Variants in DLC1 observed in about 807,000 individuals in gnomAD.
DLC1 encodes the protein DLC1 Rho GTPase activating protein.
DLC1 carries 54 observed loss-of-function variants against 140.3 expected under a neutral mutation model. The ratio of observed to expected loss-of-function variants is 0.38; its 90% CI spans 0.31 to 0.48. The LOEUF (loss-of-function observed/expected upper bound fraction) is 0.48, where lower values mean the gene tolerates loss of function less well. Among genes scored for constraint, DLC1 ranks in the 20% least tolerant of loss-of-function variants. The pLI, the probability that DLC1 is intolerant of heterozygous loss-of-function variation, is 0.96. For missense variants in DLC1, 2,536 were observed against 1,907.0 expected (o/e 1.33, Z -6.14); for synonymous variants, 986 against 728.1 (o/e 1.35, Z -5.70).
At chr8:13,310,184 C>T (rs1022086564) in intron 4 of DLC1, among the ~76,000 whole-genome samples, 1 of 152,140 alleles carries the variant, frequency 6.6e-6, no homozygotes, top group African/African-American at 2.4e-5. Flanking sequence ...ACAAACAGAG[C>T]ACTATCTATT....
At chr8:13,219,385 T>A (rs1018403767) in intron 5 of DLC1, among the ~76,000 whole-genome samples, 12 of 124,766 alleles carry the variant, frequency 9.6e-5, no homozygotes, top group African/African-American at 3.5e-4. Flanking sequence ...TATAATTATA[T>A]TTCATATAAT....
chr8:13,590,262 T>C (rs1418051122), intron 1 of DLC1, among the ~76,000 whole-genome samples: 1 of 151,926 alleles, frequency 6.6e-6, no homozygotes, highest in Non-Finnish European at 1.5e-5. Context: ...ACATTATGAG[T>C]CCTCCCTTTC....
At chr8:13,422,188 A>G (rs909449163) in intron 2 of DLC1, among the ~76,000 whole-genome samples, 2 of 152,112 alleles carry the variant, frequency 1.3e-5, no homozygotes, top group African/African-American at 2.4e-5. Flanking sequence ...TATATATAGC[A>G]TATATATTTA....
Position 13,221,798 on chromosome 8 carries a change from TTA to T in DLC1, c.1348+83469_1348+83470del, listed in dbSNP as rs1231033290. Among the ~76,000 whole-genome samples the T allele has an allele frequency of 3.5e-5, 5 of 144,010 alleles. No individual in the cohort carries two copies. In the East Asian group the frequency reaches 9.9e-4, roughly 28 times the overall value. The allele number at this position is 144,010 out of a possible 152,430, so 94.5% of individuals were successfully genotyped here. A position where few individuals can be genotyped will look rare whatever the true frequency, so the allele number is the denominator to read the frequency against. On this transcript the variant is annotated intron_variant, in intron 5 of 17. Coordinates refer to ENST00000276297, the MANE Select transcript of DLC1 (RefSeq NM_182643.3). ...TATTAATATAAAACACATCAATATA[TTA>T]ATATAAAATACATATATTATAAAAT...
At chr8:13,467,191 T>C (rs767354801) in intron 2 of DLC1, among the ~76,000 whole-genome samples, 36 of 152,202 alleles carry the variant, frequency 2.4e-4, no homozygotes, top group Non-Finnish European at 3.8e-4. Flanking sequence ...CTAAATCCTT[T>C]TCTTATTTCC....
At chr8:13,283,775 A>G (rs748138319) in intron 5 of DLC1, among the ~76,000 whole-genome samples, 2 of 152,126 alleles carry the variant, frequency 1.3e-5, no homozygotes, top group African/African-American at 2.4e-5. Flanking sequence ...TCTGCCTCCC[A>G]AAGTGTTGGG....
At chr8:13,283,632 A>T (rs1305356266) in intron 5 of DLC1, among the ~76,000 whole-genome samples, 2 of 152,162 alleles carry the variant, frequency 1.3e-5, no homozygotes, top group Non-Finnish European at 2.9e-5. Flanking sequence ...CTCTCACTGC[A>T]GCCTCCTGAG....
At chr8:13,382,399 C>A (rs1488783155) in intron 4 of DLC1, among the ~76,000 whole-genome samples, 1 of 144,890 alleles carries the variant, frequency 6.9e-6, no homozygotes, top group Non-Finnish European at 1.5e-5. Context: ...CCCAGCTACT[C>A]GGGAGGCTGA....
At chr8:13,399,238 C>T (rs1837189362) in intron 3 of DLC1, among the ~76,000 whole-genome samples, 1 of 152,136 alleles carries the variant, frequency 6.6e-6, no homozygotes, top group Admixed American at 6.5e-5. Context: ...TGTCTGACAA[C>T]CAGGGAATTC....
intron 4 of DLC1, among the ~76,000 whole-genome samples, chr8:13,360,112 T>C (rs2117070968): frequency 6.6e-6 from 1 of 152,332 alleles, no homozygotes; most frequent in East Asian, 1.9e-4. Context: ...TCAAGCAAGC[T>C]GAGTTTCCTT....
chr8:13,457,102 A>G (rs574114723), intron 2 of DLC1, among the ~76,000 whole-genome samples: 46 of 152,194 alleles, frequency 3.0e-4, no homozygotes, highest in Non-Finnish European at 5.7e-4. Flanking sequence ...TTTTGGTTGC[A>G]CTTAGTATTT....
chr8:13,214,645 C>G (rs1425860621), intron 5 of DLC1: 3 of 778,276 alleles, frequency 3.9e-6, no homozygotes, highest in Non-Finnish European at 7.2e-6. Flanking sequence ...GTTTTCTTCT[C>G]CAGCAACATG....
chr8:13,100,792 A>T (rs370676806), intron 8 of DLC1, 22 bp from the exon 9 acceptor site: 642 of 1,536,640 alleles, frequency 4.2e-4, no homozygotes, highest in Non-Finnish European at 5.3e-4. Context: ...GAAAGGAGCC[A>T]TTCACACACT....
chr8:13,581,292 T>A (rs1210792213), intron 1 of DLC1, among the ~76,000 whole-genome samples: 1 of 152,194 alleles, frequency 6.6e-6, no homozygotes, highest in Non-Finnish European at 1.5e-5. Context: ...ACAAATGACA[T>A]CATTCAGAGG....
chr8:13,433,581 G>C (rs1838982095), intron 2 of DLC1, among the ~76,000 whole-genome samples: 1 of 152,128 alleles, frequency 6.6e-6, no homozygotes, highest in Admixed American at 6.5e-5. Flanking sequence ...CCTCAAAGTG[G>C]CAAGAAACTG....
chr8:13,458,478 G>C (rs1799514421), intron 2 of DLC1, among the ~76,000 whole-genome samples: 2 of 152,120 alleles, frequency 1.3e-5, no homozygotes, highest in Admixed American at 6.5e-5. Flanking sequence ...TTCTAACATA[G>C]AGTGAGCTCA....
At chr8:13,254,921 C>G (rs1432729572) in intron 5 of DLC1, among the ~76,000 whole-genome samples, 1 of 152,092 alleles carries the variant, frequency 6.6e-6, no homozygotes, top group Non-Finnish European at 1.5e-5. Flanking sequence ...TTAATTCTGA[C>G]TCCTTGAGTT....
intron 4 of DLC1, among the ~76,000 whole-genome samples, chr8:13,353,746 A>G (rs1188542512): frequency 6.6e-6 from 1 of 151,806 alleles, no homozygotes; most frequent in Non-Finnish European, 1.5e-5. Context: ...AAACCCAGCT[A>G]TTTGGGAGGC....
intron 5 of DLC1, among the ~76,000 whole-genome samples, chr8:13,251,655 T>C (rs1830009998): frequency 6.6e-6 from 1 of 152,096 alleles, no homozygotes; most frequent in South Asian, 2.1e-4. Context: ...AATTGAATCT[T>C]GTCAGCTGTG....
Sources: allele counts gnomAD v4.1 joint callset (sites outside exome capture counted in the v4.1 genomes callset), GRCh38; gene constraint gnomAD v4.1.1; transcripts MANE v1.5; gene names NCBI Gene and HGNC (gene_info 2026-07-23, HGNC 2026-07-21).